FGD5: variants seen among roughly 807,000 people sequenced by gnomAD.
FGD5 encodes FYVE, RhoGEF and PH domain-containing protein 5.
A neutral mutation model predicts 133.4 loss-of-function variants in FGD5; 28 were observed. That is an observed-to-expected ratio of 0.21 (90% CI 0.16 to 0.29). FGD5 has a LOEUF of 0.29. Ranked by LOEUF, FGD5 falls within the 10% of genes least tolerant of loss-of-function variation. The probability of loss-of-function intolerance (pLI) is 1.00; values close to 1 mark genes in which losing one functional copy is unlikely to be tolerated. For synonymous variants in FGD5, 810 were observed against 776.5 expected, an observed-to-expected ratio of 1.04 and a Z score of -0.72; for missense variants, 1,858 against 1,895.2, an observed-to-expected ratio of 0.98 and a Z score of 0.36.
intron 1 of FGD5, among the ~76,000 whole-genome samples, chr3:14,848,611 A>G (rs1321916516): frequency 6.6e-6 from 1 of 152,202 alleles, no homozygotes; most frequent in Non-Finnish European, 1.5e-5. Flanking sequence ...AAATCTTGTA[A>G]GAAATGGGCT....
intron 1 of FGD5, among the ~76,000 whole-genome samples, chr3:14,824,195 T>G (rs1289330934): frequency 6.6e-6 from 1 of 152,162 alleles, no homozygotes; most frequent in Non-Finnish European, 1.5e-5. Flanking sequence ...ATGAAACAGA[T>G]GAAAGCAAAG....
intron 1 of FGD5, among the ~76,000 whole-genome samples, chr3:14,837,285 G>A (rs544905521): frequency 1.3e-5 from 2 of 152,338 alleles, no homozygotes; most frequent in African/African-American, 4.8e-5. Flanking sequence ...GAAGGGGAAG[G>A]TGTGAGTGTA....
At chr3:14,853,629 A>T (rs1575209338) in intron 1 of FGD5, among the ~76,000 whole-genome samples, 1 of 125,272 alleles carries the variant, frequency 8.0e-6, no homozygotes, top group African/African-American at 2.9e-5. Context: ...CAGGGGGAAA[A>T]GCGTTCCTTT....
intron 9 of FGD5, among the ~76,000 whole-genome samples, chr3:14,904,519 T>TG (rs2038302736): frequency 1.3e-5 from 2 of 151,966 alleles, no homozygotes; most frequent in Admixed American, 6.6e-5. Flanking sequence ...TGTGTGTGTG[T>TG]TTGTGTTTTG....
At chr3:14,827,778 A>C (rs529400064) in intron 1 of FGD5, among the ~76,000 whole-genome samples, 1 of 152,114 alleles carries the variant, frequency 6.6e-6, no homozygotes, top group African/African-American at 2.4e-5. Flanking sequence ...GCTGTGCCTG[A>C]GGAGCAACCA....
chr3:14,816,606 C>T (rs1467580146), upstream of FGD5, among the ~76,000 whole-genome samples: 5 of 152,282 alleles, frequency 3.3e-5, no homozygotes, highest in East Asian at 9.6e-4. Context: ...CCAGATCAGC[C>T]AGGCTCCAAA....
At chr3:14,857,650 G>A (rs1251489311) in intron 1 of FGD5, among the ~76,000 whole-genome samples, 1 of 152,152 alleles carries the variant, frequency 6.6e-6, no homozygotes, top group Non-Finnish European at 1.5e-5. Flanking sequence ...AGAGATGGGG[G>A]CCTTTCTACT....
At chr3:14,829,978 A>C (rs543570866) in intron 1 of FGD5, among the ~76,000 whole-genome samples, 1 of 152,228 alleles carries the variant, frequency 6.6e-6, no homozygotes, top group Non-Finnish European at 1.5e-5. Flanking sequence ...GGTGATTTAC[A>C]GCCTCAGCTA....
chr3:14,906,392 G>T (rs2038342068), intron 9 of FGD5, among the ~76,000 whole-genome samples: 1 of 152,256 alleles, frequency 6.6e-6, no homozygotes, highest in African/African-American at 2.4e-5. Context: ...GGTCCAAGGG[G>T]TTATCGCCCC....
chr3:14,857,332 T>C lies in FGD5; in HGVS notation c.2526-6796T>C, dbSNP rs1225581333. ...GCCACTACATTCAGCTAATTTTTTTTATTTTAGAGACGGGATCTCATTTTG... is the reference window on the plus strand; with the variant it reads ...GCCACTACATTCAGCTAATTTTTTTCATTTTAGAGACGGGATCTCATTTTG... On this transcript the variant is annotated intron_variant, in intron 1 of 19. Transcript: ENST00000285046. Among the ~76,000 whole-genome samples the C allele has an allele frequency of 2.0e-5, 3 of 152,116 alleles. 1 individual carries two copies. The highest frequency in any genetic ancestry group is 4.1e-4 in the South Asian group (2 of 4,824).
At chr3:14,888,484 G>A (rs544397054) in intron 4 of FGD5, among the ~76,000 whole-genome samples, 10 of 152,264 alleles carry the variant, frequency 6.6e-5, no homozygotes, top group African/African-American at 1.9e-4. Flanking sequence ...TAAACATGGC[G>A]TATTTTCTAA....
chr3:14,833,213 G>C (rs1447700987), intron 1 of FGD5, among the ~76,000 whole-genome samples: 1 of 152,050 alleles, frequency 6.6e-6, no homozygotes, highest in African/African-American at 2.4e-5. Context: ...CTGTTTTCTG[G>C]CAAGATGAGT....
intron 2 of FGD5, among the ~76,000 whole-genome samples, chr3:14,871,052 G>T (rs1437226321): frequency 6.6e-6 from 1 of 152,174 alleles, no homozygotes; most frequent in Non-Finnish European, 1.5e-5. Context: ...TCCACCAGAA[G>T]TGTGCTCCCT....
chr3:14,867,172 T>C (rs957112262), intron 2 of FGD5, among the ~76,000 whole-genome samples: 5 of 152,250 alleles, frequency 3.3e-5, no homozygotes, highest in Admixed American at 3.3e-4. Context: ...CTCTCATTCC[T>C]ATTCCCCATT....
intron 9 of FGD5, among the ~76,000 whole-genome samples, chr3:14,902,024 G>T (rs1427587290): frequency 6.6e-6 from 1 of 152,098 alleles, no homozygotes; most frequent in Non-Finnish European, 1.5e-5. Flanking sequence ...GCTCACGCCT[G>T]TAATCCCAGC....
rs1377858389 is a variant in FGD5, at chr3:14,897,517, T to C, written c.2757T>C (p.His919=). ...EMLQHLNLDF[H]GAVMRALDDM... is the part of the protein sequence containing the mutation. ...ACCTTTTGGTGTTTCAGGATTTCCA[T>C]GGAGCTGTCATGAGGGCCTTGGATG... Residue 919 remains histidine (H), a synonymous_variant, in exon 5 of 20, where the codon CAT becomes CAC. Transcript: ENST00000285046. 4 of 1,605,314 alleles carry C rather than the reference T, an allele frequency of 2.5e-6. No homozygotes were observed. The East Asian group carries it at 6.7e-5, about 27-fold the overall frequency.
At chr3:14,930,530 G>A (rs1202473216) in intron 18 of FGD5, among the ~76,000 whole-genome samples, 1 of 152,012 alleles carries the variant, frequency 6.6e-6, no homozygotes, top group Non-Finnish European at 1.5e-5. Flanking sequence ...ACAGCAAGCA[G>A]AGGTTGCAGT....
chr3:14,878,439 T>C (rs1037875569), intron 2 of FGD5, among the ~76,000 whole-genome samples: 11 of 152,196 alleles, frequency 7.2e-5, no homozygotes, highest in African/African-American at 2.7e-4. Context: ...TCTTCTTCTA[T>C]CCCTGGTTAC....
chr3:14,870,594 A>T (rs747614407), intron 2 of FGD5, among the ~76,000 whole-genome samples: 3 of 152,020 alleles, frequency 2.0e-5, no homozygotes, highest in Non-Finnish European at 4.4e-5. Context: ...CTGCTGTCTT[A>T]GGCATTTCCC....
Sources: allele counts gnomAD v4.1 joint callset (sites outside exome capture counted in the v4.1 genomes callset), GRCh38; gene constraint gnomAD v4.1.1; transcripts MANE v1.5; gene names NCBI Gene and HGNC (gene_info 2026-07-23, HGNC 2026-07-21).